The following PPFIA2 variants were observed in gnomAD, a reference collection of about 807,000 sequenced individuals.
The protein encoded by PPFIA2 is liprin-alpha-2.
In PPFIA2, 46 loss-of-function variants were observed where a neutral mutation model predicts 175.5. That is an observed-to-expected ratio of 0.26 (90% CI 0.21 to 0.34). PPFIA2 has a LOEUF of 0.34. Ranked by LOEUF, PPFIA2 falls within the 10% of genes least tolerant of loss-of-function variation. The pLI, the probability that PPFIA2 is intolerant of heterozygous loss-of-function variation, is 1.00. For synonymous variants in PPFIA2, 568 were observed against 511.4 expected, an observed-to-expected ratio of 1.11 and a Z score of -1.49; for missense variants, 1,179 against 1,506.1, an observed-to-expected ratio of 0.78 and a Z score of 3.60.
intron 4 of PPFIA2, among the ~76,000 whole-genome samples, chr12:81,580,101 G>A (rs1423879930): frequency 1.3e-5 from 2 of 151,734 alleles, no homozygotes; most frequent in African/African-American, 2.4e-5. Flanking sequence ...ATATTATTAA[G>A]GAACAAAGTA....
intron 19 of PPFIA2, among the ~76,000 whole-genome samples, chr12:81,341,963 A>T (rs949785025): frequency 1.3e-5 from 2 of 152,106 alleles, no homozygotes; most frequent in African/African-American, 4.8e-5. Context: ...GGTATTTAAA[A>T]TATGAGTTGT....
At chr12:81,575,274 ATCGTTC>A (rs2073309542) in intron 4 of PPFIA2, among the ~76,000 whole-genome samples, 1 of 151,862 alleles carries the variant, frequency 6.6e-6, no homozygotes, top group Admixed American at 6.6e-5. Flanking sequence ...GGTGAATGTA[ATCGTTC>A]CACCAAATGA....
At chr12:81,544,285 T>A (rs920799413) in intron 4 of PPFIA2, among the ~76,000 whole-genome samples, 4 of 152,082 alleles carry the variant, frequency 2.6e-5, no homozygotes, top group Non-Finnish European at 5.9e-5. Flanking sequence ...AGAAATAAGG[T>A]CCAGGTTTCC....
intron 3 of PPFIA2, among the ~76,000 whole-genome samples, chr12:81,738,247 T>C (rs2081887174): frequency 6.6e-6 from 1 of 151,870 alleles, no homozygotes; most frequent in Non-Finnish European, 1.5e-5. Context: ...TAACGTAAAA[T>C]TCTATCTCCA....
chr12:81,412,213 A>G (rs935462602), intron 7 of PPFIA2, among the ~76,000 whole-genome samples: 2 of 151,790 alleles, frequency 1.3e-5, no homozygotes, highest in Admixed American at 1.3e-4. Flanking sequence ...TGAGGGTTTA[A>G]TAAATATTAA....
chr12:81,374,900 G>T, intron 10 of PPFIA2, 132 bp from the exon 11 acceptor site: 1 of 760,332 alleles, frequency 1.3e-6, no homozygotes, highest in Non-Finnish European at 2.1e-6. Flanking sequence ...AATGTGCAAA[G>T]TGTTGATTGT....
At chr12:81,260,265 T>C (rs10862275) in intron 32 of PPFIA2, 27,586 of 152,098 alleles carry the variant, frequency 0.18, 2,687 homozygotes, top group East Asian at 0.22. Flanking sequence ...TTGTCCTAGA[T>C]TGAATTATTG....
intron 4 of PPFIA2, among the ~76,000 whole-genome samples, chr12:81,599,036 G>C (rs958773219): frequency 5.3e-5 from 8 of 151,854 alleles, no homozygotes; most frequent in Admixed American, 4.6e-4. Flanking sequence ...CAAACATGTA[G>C]GTTTTGTTGC....
At chr12:81,587,497 A>T (rs1369763876) in intron 4 of PPFIA2, among the ~76,000 whole-genome samples, 1 of 152,022 alleles carries the variant, frequency 6.6e-6, no homozygotes, top group Non-Finnish European at 1.5e-5. Flanking sequence ...TCTTTATACC[A>T]GTGTGAAAAT....
At chr12:81,561,208 G>A (rs1008483973) in intron 4 of PPFIA2, among the ~76,000 whole-genome samples, 52 of 152,116 alleles carry the variant, frequency 3.4e-4, no homozygotes, top group African/African-American at 1.1e-3. Context: ...AGATGGCAAA[G>A]AGCAAACTTC....
intron 5 of PPFIA2, 70 bp from the exon 6 acceptor site, chr12:81,445,790 C>A: frequency 7.0e-7 from 1 of 1,437,364 alleles, no homozygotes; most frequent in South Asian, 1.3e-5. Context: ...ATGACTTCCC[C>A]CTTAAATTAT....
chr12:81,500,218 A>G (rs1310552634), intron 4 of PPFIA2, among the ~76,000 whole-genome samples: 1 of 152,170 alleles, frequency 6.6e-6, no homozygotes, highest in South Asian at 2.1e-4. Flanking sequence ...AAAAAAACTG[A>G]GGCAGGTATT....
chr12:81,607,745 G>C (rs969167292), intron 4 of PPFIA2, among the ~76,000 whole-genome samples: 3 of 152,086 alleles, frequency 2.0e-5, no homozygotes, highest in African/African-American at 7.2e-5. Flanking sequence ...TCAGTGAAGA[G>C]AGATATTTTG....
At chr12:81,481,405 T>C (rs1465186725) in intron 4 of PPFIA2, among the ~76,000 whole-genome samples, 1 of 152,128 alleles carries the variant, frequency 6.6e-6, no homozygotes, top group Non-Finnish European at 1.5e-5. Context: ...AAATTTCATA[T>C]GGAACCAATA....
chr12:81,741,834 G>A (rs61935572), intron 3 of PPFIA2, among the ~76,000 whole-genome samples: 26,134 of 152,034 alleles, frequency 0.17, 2,703 homozygotes, highest in Admixed American at 0.25. Flanking sequence ...TATACTAGGT[G>A]GTTATAAGTG....
At chr12:81,744,601 T>C (rs999144620) in intron 3 of PPFIA2, among the ~76,000 whole-genome samples, 1 of 152,122 alleles carries the variant, frequency 6.6e-6, no homozygotes, top group Non-Finnish European at 1.5e-5. Context: ...TTTTTTTGTA[T>C]TTTCAGTAGA....
intron 4 of PPFIA2, among the ~76,000 whole-genome samples, chr12:81,527,870 A>T (rs2063923479): frequency 6.6e-6 from 1 of 152,002 alleles, no homozygotes; most frequent in Non-Finnish European, 1.5e-5. Flanking sequence ...TATGAATGAA[A>T]ATCTGCTGGG....
chr12:81,574,398 C>T (rs553836384), intron 4 of PPFIA2, among the ~76,000 whole-genome samples: 51 of 151,810 alleles, frequency 3.4e-4, no homozygotes, highest in South Asian at 4.2e-4. Flanking sequence ...GATGGCTCAT[C>T]AGTTTTGATA....
At chr12:81,483,019 T>C (rs576661607) in intron 4 of PPFIA2, among the ~76,000 whole-genome samples, 7 of 152,308 alleles carry the variant, frequency 4.6e-5, no homozygotes, top group Admixed American at 2.0e-4. Context: ...AATTGTGTTT[T>C]ATAAATGTGA....
Sources: allele counts gnomAD v4.1 joint callset (sites outside exome capture counted in the v4.1 genomes callset), GRCh38; gene constraint gnomAD v4.1.1; transcripts MANE v1.5; gene names NCBI Gene and HGNC (gene_info 2026-07-23, HGNC 2026-07-21).